Variants in INO80 observed in about 807,000 individuals in gnomAD.
The protein encoded by INO80 is chromatin-remodeling ATPase INO80.
Under a neutral mutation model 203.4 loss-of-function variants are expected in INO80, and 20 were observed. That is an observed-to-expected ratio of 0.10 (90% CI 0.07 to 0.14). The LOEUF (loss-of-function observed/expected upper bound fraction) is 0.14, where lower values mean the gene tolerates loss of function less well. INO80 is among the 10% of genes least tolerant of loss of function. The pLI, the probability that INO80 is intolerant of heterozygous loss-of-function variation, is 1.00. For synonymous variants in INO80, 726 were observed against 685.2 expected (o/e 1.06, Z -0.93); for missense variants, 1,419 against 1,914.4 (o/e 0.74, Z 4.83).
intron 29 of INO80, 58 bp downstream of exon 29, chr15:40,997,471 T>G: frequency 9.1e-7 from 1 of 1,101,690 alleles, no homozygotes; most frequent in Middle Eastern, 2.0e-4. Flanking sequence ...AAAACCTACA[T>G]AGTAGGTTTC....
chr15:41,046,287 T>C (rs2044766392), intron 23 of INO80, among the ~76,000 whole-genome samples: 3 of 128,472 alleles, frequency 2.3e-5, no homozygotes, highest in Admixed American at 1.7e-4. Context: ...TGGGGTACAA[T>C]GGCATGATCT....
intron 14 of INO80, among the ~76,000 whole-genome samples, chr15:41,064,556 T>G (rs947444339): frequency 2.0e-5 from 3 of 152,092 alleles, no homozygotes; most frequent in Admixed American, 2.0e-4. Flanking sequence ...AGTTAGAGAT[T>G]ATGATGAAGT....
At chr15:40,997,819 T>C (rs1418183070) in intron 28 of INO80, 2 of 422,962 alleles carry the variant, frequency 4.7e-6, no homozygotes, top group African/African-American at 4.0e-5. Context: ...AGATAAACTT[T>C]TGCTGCCCAC....
At chr15:41,081,325 A>C (rs930500892) in intron 7 of INO80, among the ~76,000 whole-genome samples, 8 of 152,208 alleles carry the variant, frequency 5.3e-5, no homozygotes, top group Non-Finnish European at 1.0e-4. Flanking sequence ...GGAAGATGTT[A>C]AGTTACATGT....
At position 40,983,781 on chromosome 15, in the gene INO80, G is replaced by T. The variant is rs139570772; in HGVS notation, c.4218C>A (p.Ser1406=). The change falls in exon 34 of 36, where the codon TCC becomes TCA. Residue 1406 remains serine (S), a synonymous_variant. Coordinates refer to ENST00000648947, the MANE Select transcript of INO80 (RefSeq NM_017553.3). ...AATTACCATTCACGGTATCTGAGAC[G>T]GAGCCTGTTATGGATGCGGGAGAGT... ...ATNSPASITG[S]VSDTVNGISI... 2 of 1,612,410 alleles carry T rather than the reference G, an allele frequency of 1.2e-6. No homozygotes were observed. The highest frequency in any genetic ancestry group is 1.7e-6 in the Non-Finnish European group (2 of 1,180,014).
intron 24 of INO80, among the ~76,000 whole-genome samples, chr15:41,029,548 A>G (rs1003464453): frequency 2.0e-5 from 3 of 152,204 alleles, no homozygotes; most frequent in Non-Finnish European, 2.9e-5. Flanking sequence ...TGTAGCTATG[A>G]TATGTTTGGC....
At chr15:41,032,322 GCA>G (rs1428464596) in intron 24 of INO80, among the ~76,000 whole-genome samples, 1 of 152,194 alleles carries the variant, frequency 6.6e-6, no homozygotes, top group Admixed American at 6.5e-5. Flanking sequence ...AAATGAAACA[GCA>G]CAGTGTTGAT....
intron 28 of INO80, among the ~76,000 whole-genome samples, chr15:41,000,735 GAAAA>G (rs1190209680): frequency 1.5e-5 from 2 of 136,446 alleles, no homozygotes; most frequent in African/African-American, 5.4e-5. Context: ...AAAAAAGAAA[GAAAA>G]GAAAAGAGAA....
intron 25 of INO80, among the ~76,000 whole-genome samples, chr15:41,022,299 C>T (rs2044305919): frequency 6.6e-6 from 1 of 152,170 alleles, no homozygotes. Flanking sequence ...TTAGGTAGTT[C>T]TATCATTTCG....
In INO80 at chr15:41,084,152, C is replaced by A. The variant is rs2045525047; in HGVS notation, c.873+1217G>T. ...ATATGTAAACAACTGGTGAATCTCA[C>A]TTAAGGGTAAACAGACATTCCTTGG... On this transcript the variant is annotated intron_variant, in intron 7 of 35. Coordinates refer to ENST00000648947, the MANE Select transcript of INO80 (RefSeq NM_017553.3). Among the ~76,000 whole-genome samples the A allele has an allele frequency of 3.3e-5, 5 of 150,586 alleles. No individual in the cohort carries two copies. In the South Asian group the frequency reaches 1.1e-3, roughly 32 times the overall value.
chr15:41,095,481 G>C (rs1409692773), intron 4 of INO80, 120 bp downstream of exon 4: 17 of 716,856 alleles, frequency 2.4e-5, no homozygotes, highest in Non-Finnish European at 3.4e-5. Flanking sequence ...ACCACATCCA[G>C]TATAAGAGAA....
At position 41,085,501 on chromosome 15, in the gene INO80, C is replaced by A; in HGVS notation, c.741G>T (p.Gln247His). 1.2e-6 allele frequency: 2 copies of A among 1,614,158 alleles called. No individual in the cohort carries two copies. The highest frequency in any genetic ancestry group is 1.7e-6 in the Non-Finnish European group (2 of 1,180,038). ...SEESPRRHHH[Q>H]TKVFAKFSHD... ...GAGAAAACTTGGCAAAGACTTTGGT[C>A]TGGTGGTGATGGCGACGAGGGGATT... Residue 247 changes from glutamine to histidine, a missense_variant, in exon 7 of 36, where the codon CAG (glutamine) becomes CAT (histidine). By Grantham distance (24) the Gln-to-His change is conservative. Coordinates refer to ENST00000648947, the MANE Select transcript of INO80 (RefSeq NM_017553.3).
intron 6 of INO80, among the ~76,000 whole-genome samples, chr15:41,086,207 A>C (rs1190159818): frequency 6.6e-6 from 1 of 152,194 alleles, no homozygotes; most frequent in Non-Finnish European, 1.5e-5. Context: ...GAAGAAAAAG[A>C]CATATTGATA....
chr15:41,091,554 G>A (rs1296165904), intron 5 of INO80, among the ~76,000 whole-genome samples: 1 of 150,552 alleles, frequency 6.6e-6, no homozygotes, highest in Non-Finnish European at 1.5e-5. Flanking sequence ...AGTGTGTCTT[G>A]TTCCCCTTCC....
chr15:41,092,169 C>T lies in INO80; in HGVS notation c.395G>A (p.Ser132Asn). 2 of 1,599,962 alleles carry T rather than the reference C, an allele frequency of 1.3e-6. No homozygotes were observed. The highest frequency in any genetic ancestry group is 1.7e-6 in the Non-Finnish European group (2 of 1,168,522). The change falls in exon 5 of 36, where the codon AGT becomes AAT. Residue 132 changes from serine to asparagine, a missense_variant. This residue lies in a region of INO80 where 323 missense variants were observed against 325.4 expected (regional missense o/e 0.99). Coordinates refer to ENST00000648947, the MANE Select transcript of INO80 (RefSeq NM_017553.3). ...SRKWLKSILL[S>N]DESSEADSQS... ...AGAATCAGCCTCGCTGGATTCATCA[C>T]TTAGCAGAATGCTCTGAAAAGGGTG...
At chr15:41,057,797 C>CAAAAAAAAAAAAAAAAAAAAAAAAA (rs35197370) in intron 16 of INO80, among the ~76,000 whole-genome samples, 1 of 29,348 alleles carries the variant, frequency 3.4e-5, no homozygotes, top group Non-Finnish European at 7.2e-5. Context: ...AACTACATCT[C>CAAAAAAAAAAAAAAAAAAAAAAAAA]AAAAAAAAAA....
At chr15:40,998,600 T>C (rs1270992770) in intron 28 of INO80, among the ~76,000 whole-genome samples, 1 of 151,912 alleles carries the variant, frequency 6.6e-6, no homozygotes, top group African/African-American at 2.4e-5. Flanking sequence ...GAGCAACAAA[T>C]ATTTACGGAA....
rs752254720 is a variant in INO80, at chr15:40,980,241, G to A, written c.4653C>T (p.Asn1551=). Residue 1551 remains asparagine (N), a synonymous_variant, in exon 36 of 36, where the codon AAC becomes AAT. Transcript: ENST00000648947. ...CAGATGGTTACCGTCCTCCAGAGGG[G>A]TTGGTGCCTTTGCCCTGTTTCCGGA... ...SLVRKQGKGT[N]PSGGR is the part of the protein sequence containing the mutation. 3 of 1,612,924 alleles carry A rather than the reference G, an allele frequency of 1.9e-6. No individual in the cohort carries two copies. The highest frequency in any genetic ancestry group is 2.2e-5 in the South Asian group (2 of 91,028).
chr15:41,074,086 T>C (rs1345122530), intron 10 of INO80, among the ~76,000 whole-genome samples: 1 of 152,142 alleles, frequency 6.6e-6, no homozygotes, highest in Non-Finnish European at 1.5e-5. Context: ...TCAGTTCTAC[T>C]GAACTGTGAT....
Sources: allele counts gnomAD v4.1 joint callset (sites outside exome capture counted in the v4.1 genomes callset), GRCh38; gene constraint gnomAD v4.1.1; regional missense constraint gnomAD v4.1.1; transcripts MANE v1.5; gene names NCBI Gene and HGNC (gene_info 2026-07-23, HGNC 2026-07-21).